Variants in MEGF11 observed in about 807,000 individuals in gnomAD.
MEGF11 encodes multiple EGF like domains 11.
In MEGF11, 126 loss-of-function variants were observed where a neutral mutation model predicts 146.6. That is an observed-to-expected ratio of 0.86 (90% CI 0.74 to 1.00). The LOEUF is 1.00. Among genes scored for constraint, MEGF11 ranks in the 50% least tolerant of loss-of-function variants. The pLI is 0.00. For missense variants in MEGF11, 1,509 were observed against 1,521.2 expected, an observed-to-expected ratio of 0.99 and a Z score of 0.13; for synonymous variants, 532 against 583.4, an observed-to-expected ratio of 0.91 and a Z score of 1.27.
intron 5 of MEGF11, among the ~76,000 whole-genome samples, chr15:66,033,658 T>C (rs2083615574): frequency 6.6e-6 from 1 of 152,272 alleles, no homozygotes; most frequent in South Asian, 2.1e-4. Flanking sequence ...GATGGGGCTG[T>C]CTGAGGCCTT....
At chr15:66,175,539 T>A (rs1438511814) in intron 1 of MEGF11, among the ~76,000 whole-genome samples, 2 of 152,174 alleles carry the variant, frequency 1.3e-5, no homozygotes, top group African/African-American at 2.4e-5. Flanking sequence ...CAACTGATTT[T>A]CAACAAAGGG....
chr15:66,053,714 AAT>A (rs542569492), intron 5 of MEGF11, among the ~76,000 whole-genome samples: 13,606 of 42,110 alleles, frequency 0.32, 4,574 homozygotes, highest in Middle Eastern at 0.48. Flanking sequence ...CCCTGGCACC[AAT>A]TTTTTTTTTT....
At position 66,093,880 on chromosome 15, in the gene MEGF11, C is replaced by T. The variant is rs376794362; in HGVS notation, c.394+522G>A. Among the ~76,000 whole-genome samples, 3 of 152,230 alleles carry T rather than the reference C, an allele frequency of 2.0e-5. No individual in the cohort carries two copies. In the South Asian group the frequency reaches 6.2e-4, roughly 32 times the overall value. On this transcript the variant is annotated intron_variant, in intron 5 of 25. Coordinates refer to ENST00000395614, the MANE Select transcript of MEGF11 (RefSeq NM_001385028.1). ...TCCCTGGAGAAGGTGAACCATCCAC[C>T]CACAAAAATGTAGGAACACAAGGAC...
rs568541891 is a variant in MEGF11 at position 66,070,263 on chromosome 15, G to T, written c.394+24139C>A. 3.3e-5 allele frequency among the ~76,000 whole-genome samples: 5 copies of T among 152,312 alleles called. 1 individual carries two copies. The highest frequency in any genetic ancestry group is 4.4e-5 in the Non-Finnish European group (3 of 68,022). On this transcript the variant is annotated intron_variant, in intron 5 of 25. Coordinates refer to ENST00000395614, the MANE Select transcript of MEGF11 (RefSeq NM_001385028.1). ...CTGGGAGCTGAGAAAACTGTGTCAG[G>T]CTCAGCTGCCCCTTCAATCAGAGCT...
intron 1 of MEGF11, among the ~76,000 whole-genome samples, chr15:66,181,243 GTGT>G (rs938808185): frequency 1.3e-5 from 2 of 152,196 alleles, no homozygotes; most frequent in African/African-American, 2.4e-5. Flanking sequence ...CACAGAATTT[GTGT>G]TGTTGTTGAG....
At chr15:66,171,897 A>C (rs1379732418) in intron 1 of MEGF11, among the ~76,000 whole-genome samples, 1 of 152,070 alleles carries the variant, frequency 6.6e-6, no homozygotes, top group African/African-American at 2.4e-5. Flanking sequence ...GGATTGATTT[A>C]AGGAATGAGT....
At chr15:66,016,334 C>T (rs1294840380) in intron 5 of MEGF11, among the ~76,000 whole-genome samples, 2 of 152,192 alleles carry the variant, frequency 1.3e-5, no homozygotes, top group Non-Finnish European at 2.9e-5. Context: ...ACACTGCCAT[C>T]AGAGAGCAGC....
At chr15:66,139,129 G>A (rs986378750) in intron 1 of MEGF11, among the ~76,000 whole-genome samples, 5 of 152,210 alleles carry the variant, frequency 3.3e-5, no homozygotes, top group Admixed American at 3.3e-4. Flanking sequence ...CCTAGGCTGT[G>A]TCTGACAACC....
At chr15:66,191,800 G>A (rs975723425) in intron 1 of MEGF11, among the ~76,000 whole-genome samples, 2 of 152,350 alleles carry the variant, frequency 1.3e-5, no homozygotes, top group East Asian at 3.9e-4. Flanking sequence ...ACTAGGCGGG[G>A]CCCGGTGGCT....
At chr15:66,218,985 A>AAAAACAAAAAAAAAAAAC (rs2091661101) in intron 1 of MEGF11, among the ~76,000 whole-genome samples, 1 of 151,080 alleles carries the variant, frequency 6.6e-6, no homozygotes, top group African/African-American at 2.4e-5. Flanking sequence ...CAGGCAAAAA[A>AAAAACAAAAAAAAAAAAC]AAAAAAAAAA....
chr15:66,087,427 A>C (rs1300160931), intron 5 of MEGF11, among the ~76,000 whole-genome samples: 1 of 152,248 alleles, frequency 6.6e-6, no homozygotes, highest in Non-Finnish European at 1.5e-5. Context: ...GATAGGCCAT[A>C]AAATGAGCCT....
Position 66,113,905 on chromosome 15 carries a change from G to A in MEGF11, c.301+5181C>T, listed in dbSNP as rs149790318. Among the ~76,000 whole-genome samples, 13 of 151,706 alleles carry A rather than the reference G, an allele frequency of 8.6e-5. No individual in the cohort carries two copies. In the East Asian group the frequency reaches 2.3e-3, roughly 27 times the overall value. On this transcript the variant is annotated intron_variant, in intron 4 of 25. Coordinates refer to ENST00000395614, the MANE Select transcript of MEGF11 (RefSeq NM_001385028.1). ...CAAAAAAAAAAAAGAAAAAGAAACC[G>A]TTGCCTAGTGGTTCTCAAGTGTAGT...
At chr15:66,059,509 A>C (rs1415062194) in intron 5 of MEGF11, among the ~76,000 whole-genome samples, 1 of 152,100 alleles carries the variant, frequency 6.6e-6, no homozygotes, top group Non-Finnish European at 1.5e-5. Flanking sequence ...TGTGTGGCTT[A>C]ATGAGCAACA....
At chr15:66,101,558 A>G (rs1196710495) in intron 4 of MEGF11, among the ~76,000 whole-genome samples, 1 of 152,008 alleles carries the variant, frequency 6.6e-6, no homozygotes, top group African/African-American at 2.4e-5. Context: ...ACTTCTCTCT[A>G]CTACTTGTCT....
chr15:66,013,935 G>C (rs948547619), intron 5 of MEGF11, among the ~76,000 whole-genome samples: 3 of 152,182 alleles, frequency 2.0e-5, no homozygotes, highest in African/African-American at 7.2e-5. Context: ...ATTTCAACAG[G>C]AGAATCTGAA....
At chr15:66,183,535 CAAAAAGAAAAAA>C in intron 1 of MEGF11, among the ~76,000 whole-genome samples, 1 of 99,578 alleles carries the variant, frequency 1.0e-5, no homozygotes, top group Non-Finnish European at 2.0e-5. Context: ...ACCCCCCTGC[CAAAAAGAAAAAA>C]AAAAAAAAGA....
At chr15:66,151,816 C>G (rs370227537) in intron 1 of MEGF11, among the ~76,000 whole-genome samples, 1 of 152,210 alleles carries the variant, frequency 6.6e-6, no homozygotes, top group African/African-American at 2.4e-5. Flanking sequence ...CAAGACAGAC[C>G]GCTGACCCTG....
At chr15:65,909,895 C>G in intron 21 of MEGF11, 89 bp from the exon 22 acceptor site, 2 of 1,177,244 alleles carry the variant, frequency 1.7e-6, no homozygotes, top group Non-Finnish European at 2.4e-6. Context: ...GTGCACACAC[C>G]CTGTAATAAT....
chr15:66,193,751 T>C (rs1042442858), intron 1 of MEGF11, among the ~76,000 whole-genome samples: 2 of 152,024 alleles, frequency 1.3e-5, no homozygotes, highest in East Asian at 3.9e-4. Context: ...GAAGGCTGTA[T>C]ATTAGTTTGC....
Sources: allele counts gnomAD v4.1 joint callset (sites outside exome capture counted in the v4.1 genomes callset), GRCh38; gene constraint gnomAD v4.1.1; transcripts MANE v1.5; gene names NCBI Gene and HGNC (gene_info 2026-07-23, HGNC 2026-07-21).